The following CTNNA3 variants were observed in gnomAD, a reference collection of about 807,000 sequenced individuals.
The protein encoded by CTNNA3 is catenin alpha 3.
Under a neutral mutation model 95.7 loss-of-function variants are expected in CTNNA3, and 76 were observed. The observed-to-expected ratio is 0.79, with a 90% CI of 0.66 to 0.96. CTNNA3 has a LOEUF of 0.96. CTNNA3 is among the 40% of genes least tolerant of loss of function. The pLI is 0.00. For synonymous variants in CTNNA3, 431 were observed against 374.4 expected (o/e 1.15, Z -1.74); for missense variants, 1,191 against 1,089.8 (o/e 1.09, Z -1.31).
intron 5 of CTNNA3, among the ~76,000 whole-genome samples, chr10:67,511,416 T>A (rs1426100415): frequency 6.6e-6 from 1 of 152,196 alleles, no homozygotes; most frequent in African/African-American, 2.4e-5. Flanking sequence ...GGCTGTTGAA[T>A]TTTGTTGAAG....
intron 5 of CTNNA3, among the ~76,000 whole-genome samples, chr10:67,324,081 T>C (rs1841441216): frequency 6.6e-6 from 1 of 152,086 alleles, no homozygotes. Context: ...TGAGACTCTG[T>C]TGCAAAACTG....
chr10:66,356,007 C>T (rs2092605941), intron 12 of CTNNA3, among the ~76,000 whole-genome samples: 3 of 150,186 alleles, frequency 2.0e-5, no homozygotes, highest in Admixed American at 6.6e-5. Flanking sequence ...TTCCAAATGA[C>T]CTCATTGATC....
chr10:67,325,428 T>A (rs978761605), intron 5 of CTNNA3, among the ~76,000 whole-genome samples: 2 of 152,220 alleles, frequency 1.3e-5, no homozygotes, highest in African/African-American at 2.4e-5. Flanking sequence ...TTCTGGTATG[T>A]TGTATCTTTG....
chr10:66,563,444 A>T (rs1387845418), intron 10 of CTNNA3, among the ~76,000 whole-genome samples: 1 of 152,132 alleles, frequency 6.6e-6, no homozygotes, highest in Non-Finnish European at 1.5e-5. Flanking sequence ...CAATTCACTT[A>T]AAAAGATTAA....
chr10:67,760,693 G>T (rs1202873172), intron 1 of CTNNA3, among the ~76,000 whole-genome samples: 1 of 151,978 alleles, frequency 6.6e-6, no homozygotes, highest in Non-Finnish European at 1.5e-5. Context: ...TCACATTACC[G>T]CCTGAGCTCC....
chr10:66,928,559 C>G (rs1472745746), intron 7 of CTNNA3: 4 of 1,019,688 alleles, frequency 3.9e-6, no homozygotes, highest in African/African-American at 1.6e-5. Context: ...CTCCCCTTCC[C>G]TCTCCCTCTC....
intron 6 of CTNNA3, among the ~76,000 whole-genome samples, chr10:67,189,436 A>G (rs962959777): frequency 1.4e-4 from 22 of 152,096 alleles, no homozygotes; most frequent in Admixed American, 4.6e-4. Flanking sequence ...ATAATAATGT[A>G]CTGTGTACTT....
At chr10:66,437,214 C>T (rs528821492) in intron 11 of CTNNA3, among the ~76,000 whole-genome samples, 24 of 152,072 alleles carry the variant, frequency 1.6e-4, no homozygotes, top group Non-Finnish European at 3.1e-4. Context: ...CTCTGTATTT[C>T]CTAAATTTGA....
chr10:67,455,951 T>C (rs1847157617), intron 5 of CTNNA3, among the ~76,000 whole-genome samples: 1 of 152,202 alleles, frequency 6.6e-6, no homozygotes, highest in African/African-American at 2.4e-5. Context: ...GTGACAAATG[T>C]ATCATAGCAA....
At chr10:66,526,738 C>G (rs535839029) in intron 10 of CTNNA3, among the ~76,000 whole-genome samples, 1 of 152,228 alleles carries the variant, frequency 6.6e-6, no homozygotes, top group South Asian at 2.1e-4. Flanking sequence ...TATTGACGAA[C>G]TGTTTATCTT....
chr10:67,014,995 C>T (rs1016917225), intron 7 of CTNNA3, among the ~76,000 whole-genome samples: 5 of 151,938 alleles, frequency 3.3e-5, no homozygotes, highest in East Asian at 1.9e-4. Context: ...TTCAGGTAAA[C>T]GTTTCTTAAA....
chr10:67,680,252 A>G (rs1840602599), intron 1 of CTNNA3, among the ~76,000 whole-genome samples: 1 of 152,206 alleles, frequency 6.6e-6, no homozygotes, highest in Non-Finnish European at 1.5e-5. Flanking sequence ...GCAGAGGCCA[A>G]GTGAAGGAAA....
chr10:67,521,911 G>C lies in CTNNA3; in HGVS notation c.510C>G (p.Leu170=), dbSNP rs1008639337. ...TCCCAAGCTTCTGGTAGGTTTTCTG[G>C]AGGTCAGATTTGTTGGCAACATTTT... is the stretch of plus-strand genomic sequence containing the variant. ...SLKNVANKSD[L]QKTYQKLGKE... The change falls in exon 5 of 18, where the codon CTC becomes CTG. Residue 170 remains leucine (L), a synonymous_variant. Transcript: ENST00000433211. 9.3e-6 allele frequency: 15 copies of C among 1,612,576 alleles called. No homozygotes were observed. The highest frequency in any genetic ancestry group is 1.3e-5 in the Non-Finnish European group (15 of 1,179,010).
At chr10:66,768,724 G>A (rs553197282) in intron 8 of CTNNA3, among the ~76,000 whole-genome samples, 1 of 151,652 alleles carries the variant, frequency 6.6e-6, no homozygotes, top group African/African-American at 2.4e-5. Flanking sequence ...TCTAGTAGAA[G>A]AGTGAATATT....
intron 7 of CTNNA3, among the ~76,000 whole-genome samples, chr10:66,914,171 C>T (rs1466683884): frequency 1.3e-5 from 2 of 149,158 alleles, no homozygotes; most frequent in Non-Finnish European, 1.5e-5. Flanking sequence ...CACTCTGTCC[C>T]CCAGGCTGGA....
intron 7 of CTNNA3, among the ~76,000 whole-genome samples, chr10:66,882,606 C>A (rs1173830236): frequency 6.6e-6 from 1 of 152,140 alleles, no homozygotes; most frequent in Non-Finnish European, 1.5e-5. Flanking sequence ...GAATATTCTA[C>A]TTAAAAGCAA....
chr10:67,477,357 C>T (rs936478622), intron 5 of CTNNA3, among the ~76,000 whole-genome samples: 7 of 152,062 alleles, frequency 4.6e-5, no homozygotes, highest in Non-Finnish European at 8.8e-5. Flanking sequence ...ACCCCACCCC[C>T]GGGGGCAAAG....
chr10:65,928,046 T>C (rs986224385), intron 17 of CTNNA3, among the ~76,000 whole-genome samples: 1 of 152,200 alleles, frequency 6.6e-6, no homozygotes, highest in African/African-American at 2.4e-5. Context: ...TCATCTTCTA[T>C]GGTTAATAAT....
intron 9 of CTNNA3, among the ~76,000 whole-genome samples, chr10:66,622,511 T>C (rs1316520736): frequency 1.3e-5 from 2 of 152,158 alleles, no homozygotes; most frequent in Admixed American, 1.3e-4. Context: ...AGAGCCATGA[T>C]GAAGAGTGAG....
Sources: gnomAD v4.1 joint callset for allele counts (sites outside exome capture counted in the v4.1 genomes callset) on GRCh38, gnomAD v4.1.1 for gene constraint, MANE v1.5 for transcripts, NCBI Gene and HGNC (gene_info 2026-07-23, HGNC 2026-07-21) for gene names.